The following ULK4 variants were observed in gnomAD, a reference collection of about 807,000 sequenced individuals.
ULK4 encodes unc-51 like kinase 4.
In ULK4, 133 loss-of-function variants were observed where a neutral mutation model predicts 160.6. The observed-to-expected ratio is 0.83, with a 90% confidence interval of 0.72 to 0.96. ULK4 has a LOEUF of 0.96. Ranked by LOEUF, ULK4 falls within the 40% of genes least tolerant of loss-of-function variation. The probability of loss-of-function intolerance (pLI) is 0.00; values close to 1 mark genes in which losing one functional copy is unlikely to be tolerated. For synonymous variants in ULK4, 534 were observed against 539.8 expected (o/e 0.99, Z 0.15); for missense variants, 1,580 against 1,499.5 (o/e 1.05, Z -0.89).
At chr3:41,620,568 C>T (rs2033195601) in intron 30 of ULK4, among the ~76,000 whole-genome samples, 1 of 152,150 alleles carries the variant, frequency 6.6e-6, no homozygotes, top group Admixed American at 6.5e-5. Context: ...TTCAACATCC[C>T]TTCATGCTAA....
intron 35 of ULK4, among the ~76,000 whole-genome samples, chr3:41,391,448 A>C (rs2125807523): frequency 6.6e-6 from 1 of 152,038 alleles, no homozygotes; most frequent in East Asian, 1.9e-4. Context: ...GAAGGTCTTA[A>C]CCCCAAGAAA....
chr3:41,787,000 A>C (rs2040016175), intron 21 of ULK4, among the ~76,000 whole-genome samples: 1 of 152,142 alleles, frequency 6.6e-6, no homozygotes, highest in Admixed American at 6.5e-5. Context: ...CAAATACACA[A>C]GAAAAAACAG....
chr3:41,349,296 G>T (rs2080865435), intron 35 of ULK4, among the ~76,000 whole-genome samples: 1 of 152,152 alleles, frequency 6.6e-6, no homozygotes, highest in African/African-American at 2.4e-5. Context: ...AGACTCTTGT[G>T]ATTTGACCAG....
At chr3:41,359,803 A>C (rs2081105772) in intron 35 of ULK4, among the ~76,000 whole-genome samples, 1 of 152,160 alleles carries the variant, frequency 6.6e-6, no homozygotes, top group South Asian at 2.1e-4. Context: ...TTAAATGTAA[A>C]ACCCAAAACT....
At chr3:41,436,873 G>GA (rs1350860944) in intron 34 of ULK4, among the ~76,000 whole-genome samples, 1 of 151,700 alleles carries the variant, frequency 6.6e-6, no homozygotes, top group East Asian at 1.9e-4. Context: ...TAATATTTAT[G>GA]AAAAAAAACT....
intron 27 of ULK4, among the ~76,000 whole-genome samples, chr3:41,685,699 A>G (rs1021568206): frequency 6.6e-6 from 1 of 152,190 alleles, no homozygotes; most frequent in African/African-American, 2.4e-5. Context: ...CCCAGACTGC[A>G]TACCCTATCC....
chr3:41,642,918 G>C lies in ULK4; in HGVS notation c.3071+20689C>G, dbSNP rs1274711658. 3.3e-5 allele frequency among the ~76,000 whole-genome samples: 5 copies of C among 152,264 alleles called. No homozygotes were observed. In the South Asian group the frequency reaches 6.2e-4, roughly 19 times the overall value. On this transcript the variant is annotated intron_variant, in intron 30 of 36. Coordinates refer to ENST00000301831, the MANE Select transcript of ULK4 (RefSeq NM_017886.4). The stretch of plus-strand genomic sequence containing the variant: ...TGAGATGGTATCTCATTGTGGTTTT[G>C]ATTTGCATTTCTCTGATGGCCAGTG...
intron 35 of ULK4, among the ~76,000 whole-genome samples, chr3:41,291,820 T>C (rs2079571271): frequency 6.7e-6 from 1 of 149,026 alleles, no homozygotes; most frequent in African/African-American, 2.5e-5. Context: ...CGTGGTCACT[T>C]GTGATGTTCT....
At chr3:41,419,162 T>G (rs1357232771) in intron 34 of ULK4, among the ~76,000 whole-genome samples, 2 of 152,160 alleles carry the variant, frequency 1.3e-5, no homozygotes. Flanking sequence ...GTGCTTACTG[T>G]GCAATTCTTT....
intron 32 of ULK4, among the ~76,000 whole-genome samples, chr3:41,519,062 C>T (rs137881085): frequency 2.0e-5 from 3 of 152,334 alleles, no homozygotes; most frequent in East Asian, 1.9e-4. Context: ...GCTGGAATCG[C>T]TCCTCTGTTC....
At chr3:41,617,956 C>T (rs1044594978) in intron 30 of ULK4, among the ~76,000 whole-genome samples, 4 of 152,060 alleles carry the variant, frequency 2.6e-5, no homozygotes, top group Non-Finnish European at 5.9e-5. Flanking sequence ...AAAAACATAG[C>T]ACGAGAACTT....
chr3:41,873,236 T>TA (rs747011627), intron 17 of ULK4, among the ~76,000 whole-genome samples: 26,545 of 148,642 alleles, frequency 0.18, 2,432 homozygotes, highest in Middle Eastern at 0.31. Flanking sequence ...TTTTTTTTTT[T>TA]TTTTTTTGAA....
At chr3:41,782,517 G>A (rs2039879776) in intron 21 of ULK4, among the ~76,000 whole-genome samples, 1 of 152,130 alleles carries the variant, frequency 6.6e-6, no homozygotes, top group South Asian at 2.1e-4. Context: ...TGACCTCTAA[G>A]TATCTCGGCT....
intron 17 of ULK4, among the ~76,000 whole-genome samples, chr3:41,860,486 C>T (rs758431675): frequency 6.6e-6 from 1 of 152,150 alleles, no homozygotes; most frequent in South Asian, 2.1e-4. Flanking sequence ...CCTTCTTTGG[C>T]TCCTCTTACA....
At chr3:41,841,771 G>C (rs551094027) in intron 17 of ULK4, among the ~76,000 whole-genome samples, 2 of 152,314 alleles carry the variant, frequency 1.3e-5, no homozygotes, top group South Asian at 4.1e-4. Context: ...TGACATAGGA[G>C]ATACCATTTT....
intron 31 of ULK4, among the ~76,000 whole-genome samples, chr3:41,586,499 G>A (rs2030811915): frequency 6.6e-6 from 1 of 152,152 alleles, no homozygotes; most frequent in Non-Finnish European, 1.5e-5. Flanking sequence ...AGGGAGGGAA[G>A]AGGGTTGAAA....
intron 34 of ULK4, among the ~76,000 whole-genome samples, chr3:41,440,768 T>C (rs556531150): frequency 5.4e-4 from 82 of 152,226 alleles, no homozygotes; most frequent in African/African-American, 1.9e-3. Flanking sequence ...TGAAGCTATC[T>C]GGCACTGGAG....
intron 17 of ULK4, among the ~76,000 whole-genome samples, chr3:41,841,237 G>A (rs1464311461): frequency 1.5e-5 from 2 of 134,184 alleles, no homozygotes; most frequent in Admixed American, 7.5e-5. Context: ...CTGCCCAGCC[G>A]CCCTTCATCT....
chr3:41,630,694 A>C (rs2033705183), intron 30 of ULK4, among the ~76,000 whole-genome samples: 1 of 152,200 alleles, frequency 6.6e-6, no homozygotes, highest in South Asian at 2.1e-4. Flanking sequence ...GGAAATCTCC[A>C]AGGCCATCTT....
Sources: allele counts gnomAD v4.1 joint callset (sites outside exome capture counted in the v4.1 genomes callset), GRCh38; gene constraint gnomAD v4.1.1; transcripts MANE v1.5; gene names NCBI Gene and HGNC (gene_info 2026-07-23, HGNC 2026-07-21).